TRDN: variants seen among roughly 807,000 people sequenced by gnomAD.
TRDN encodes the protein triadin in skeletal muscle.
Under a neutral mutation model 149.7 loss-of-function variants are expected in TRDN, and 161 were observed. That is an observed-to-expected ratio of 1.08 (90% CI 0.95 to 1.23). The LOEUF (loss-of-function observed/expected upper bound fraction) is 1.23. Ranked by LOEUF, TRDN falls within the 50% of genes most tolerant of loss-of-function variation. TRDN has a pLI of 0.00. For missense variants in TRDN, 896 were observed against 823.5 expected (o/e 1.09, Z -1.08); for synonymous variants, 294 against 250.5 (o/e 1.17, Z -1.64).
intron 12 of TRDN, 85 bp from the exon 13 acceptor site, chr6:123,393,762 C>G: frequency 7.9e-7 from 1 of 1,271,532 alleles, no homozygotes; most frequent in South Asian, 1.4e-5. Context: ...AGCACAAACA[C>G]AAACGAGCAT....
chr6:123,427,078 C>T (rs1031801371), intron 12 of TRDN, among the ~76,000 whole-genome samples: 1 of 152,016 alleles, frequency 6.6e-6, no homozygotes, highest in African/African-American at 2.4e-5. Flanking sequence ...GACAATTAAT[C>T]ATTATTCCAC....
At chr6:123,429,004 A>G (rs1190046519) in intron 12 of TRDN, 1 of 152,138 alleles carries the variant, frequency 6.6e-6, no homozygotes, top group Admixed American at 6.5e-5. Flanking sequence ...GACCTACAGG[A>G]TCTCTTCTGC....
At chr6:123,366,109 C>T (rs1410098794) in intron 20 of TRDN, 26 bp downstream of exon 20, 6 of 1,590,048 alleles carry the variant, frequency 3.8e-6, no homozygotes, top group Non-Finnish European at 4.3e-6. Flanking sequence ...ATAGTTATGA[C>T]ATCTTTATCT....
intron 10 of TRDN, among the ~76,000 whole-genome samples, chr6:123,458,927 G>T (rs939665383): frequency 6.8e-6 from 1 of 146,808 alleles, no homozygotes. Context: ...AGAATTTTTG[G>T]ATCCTTTGAT....
In TRDN at chr6:123,272,725, G is replaced by A. The variant is rs116371685; in HGVS notation, c.1672+239C>T. Reference sequence around the variant, plus strand: ...TAAGTGCTGGGTGACTATGGTTTTTGTGCAAAGCTAACTCTCTGGTGGGAA... The same window carrying A: ...TAAGTGCTGGGTGACTATGGTTTTTATGCAAAGCTAACTCTCTGGTGGGAA... On this transcript the variant is annotated intron_variant, in intron 29 of 40. Coordinates refer to ENST00000334268, the MANE Select transcript of TRDN (RefSeq NM_006073.4). Among the ~76,000 whole-genome samples the A allele has an allele frequency of 8.9e-4, 135 of 151,976 alleles. 1 individual carries two copies. The highest frequency in any genetic ancestry group is 3.2e-3 in the African/African-American group (132 of 41,510).
At chr6:123,369,210 T>A (rs544062141) in intron 19 of TRDN, among the ~76,000 whole-genome samples, 94 of 152,156 alleles carry the variant, frequency 6.2e-4, no homozygotes, top group Admixed American at 1.7e-3. Context: ...GGCAGTCTTC[T>A]GTATGCATCT....
chr6:123,410,405 A>G (rs927626715), intron 12 of TRDN, among the ~76,000 whole-genome samples: 1 of 152,226 alleles, frequency 6.6e-6, no homozygotes, highest in African/African-American at 2.4e-5. Flanking sequence ...CACTCACAAA[A>G]ATTACCAAAT....
At chr6:123,297,883 A>G (rs1208714904) in intron 24 of TRDN, among the ~76,000 whole-genome samples, 3 of 152,068 alleles carry the variant, frequency 2.0e-5, no homozygotes, top group East Asian at 3.9e-4. Flanking sequence ...AATTGAATTC[A>G]TGATATACTA....
chr6:123,532,387 CTAAT>C (rs1177885410), intron 4 of TRDN, among the ~76,000 whole-genome samples: 5 of 151,102 alleles, frequency 3.3e-5, no homozygotes, highest in African/African-American at 7.3e-5. Context: ...ATTAAAATCA[CTAAT>C]TAGTTGACTT....
At chr6:123,414,330 C>T (rs527978780) in intron 12 of TRDN, among the ~76,000 whole-genome samples, 8 of 152,088 alleles carry the variant, frequency 5.3e-5, no homozygotes, top group Admixed American at 3.3e-4. Context: ...TCATGTTTAA[C>T]GAGAACGTAC....
chr6:123,504,985 C>T (rs988032801), intron 7 of TRDN, among the ~76,000 whole-genome samples: 1 of 151,992 alleles, frequency 6.6e-6, no homozygotes, highest in Non-Finnish European at 1.5e-5. Flanking sequence ...GCGGCTCATG[C>T]CTGTAATCCC....
chr6:123,503,016 T>C (rs1224183486), intron 8 of TRDN: 8 of 985,130 alleles, frequency 8.1e-6, no homozygotes, highest in African/African-American at 1.7e-5. Context: ...TTCCATAAAA[T>C]AAAAATTCAG....
intron 33 of TRDN, among the ~76,000 whole-genome samples, chr6:123,264,904 C>T (rs577192262): frequency 6.6e-6 from 1 of 152,018 alleles, no homozygotes; most frequent in Non-Finnish European, 1.5e-5. Context: ...TCCTCTTGCA[C>T]ACTTAATAGA....
At chr6:123,610,838 A>T (rs940886351) in intron 1 of TRDN, among the ~76,000 whole-genome samples, 3 of 152,198 alleles carry the variant, frequency 2.0e-5, no homozygotes, top group African/African-American at 7.2e-5. Context: ...TTTGAGCACC[A>T]AAGTGGGACT....
intron 14 of TRDN, among the ~76,000 whole-genome samples, chr6:123,382,814 A>G (rs1781770842): frequency 6.6e-6 from 1 of 151,978 alleles, no homozygotes; most frequent in Non-Finnish European, 1.5e-5. Context: ...ATTATTTTCT[A>G]TTATTTAGGC....
chr6:123,330,543 TC>T (rs1779620417), intron 23 of TRDN, among the ~76,000 whole-genome samples: 1 of 151,974 alleles, frequency 6.6e-6, no homozygotes, highest in African/African-American at 2.4e-5. Flanking sequence ...ACTAACTCTC[TC>T]ATAAAAGCCG....
intron 38 of TRDN, among the ~76,000 whole-genome samples, chr6:123,241,362 C>A (rs1473052499): frequency 6.6e-6 from 1 of 151,158 alleles, no homozygotes; most frequent in Non-Finnish European, 1.5e-5. Flanking sequence ...GTAAGATACA[C>A]TAAACATGTA....
chr6:123,222,998 A>G (rs1775208265), intron 39 of TRDN, among the ~76,000 whole-genome samples: 1 of 151,830 alleles, frequency 6.6e-6, no homozygotes, highest in Non-Finnish European at 1.5e-5. Flanking sequence ...AAAAAATAAC[A>G]TATGTTGAGG....
chr6:123,365,349 CAT>C (rs1239777900), intron 20 of TRDN, among the ~76,000 whole-genome samples: 10 of 151,588 alleles, frequency 6.6e-5, no homozygotes, highest in African/African-American at 4.9e-5. Flanking sequence ...TATCAATAAA[CAT>C]AAATTTATAT....
Sources: allele counts gnomAD v4.1 joint callset (sites outside exome capture counted in the v4.1 genomes callset), GRCh38; gene constraint gnomAD v4.1.1; transcripts MANE v1.5; gene names NCBI Gene and HGNC (gene_info 2026-07-23, HGNC 2026-07-21).